Variants in DYNC2H1 observed in about 807,000 individuals in gnomAD.
DYNC2H1 encodes dynein cytoplasmic 2 heavy chain 1, also known as cytoplasmic dynein 2 heavy chain 1.
DYNC2H1 carries 410 observed loss-of-function variants against 570.0 expected under a neutral mutation model. That is an observed-to-expected ratio of 0.72 (90% CI 0.66 to 0.78). DYNC2H1 has a LOEUF of 0.78. Ranked by LOEUF, DYNC2H1 falls within the 30% of genes least tolerant of loss-of-function variation. DYNC2H1 has a pLI of 0.00. For synonymous variants in DYNC2H1, 1,688 were observed against 1,677.6 expected, an observed-to-expected ratio of 1.01 and a Z score of -0.15; for missense variants, 4,865 against 5,046.4, an observed-to-expected ratio of 0.96 and a Z score of 1.09.
Position 103,152,109 on chromosome 11 carries a change from A to AT in DYNC2H1, c.2947-24dup, listed in dbSNP as rs745575478. ...ATTTGATAAAATAGGTTGTTATTCA[A>AT]TTTGTTTTTTTTTTTTTAACCTTTA... On this transcript the variant is annotated intron_variant, in intron 20 of 88. Coordinates refer to ENST00000375735, the MANE Select transcript of DYNC2H1 (RefSeq NM_001377.3). 2.9e-5 allele frequency: 33 copies of AT among 1,155,340 alleles called. No individual in the cohort carries two copies. The African/African-American group carries it at 4.6e-4, about 16-fold the overall frequency. 71.6% of individuals were successfully genotyped at this position (1,155,340 alleles called of 1,614,324 possible).
chr11:103,292,571 G>A (rs1265743856), intron 75 of DYNC2H1, among the ~76,000 whole-genome samples: 1 of 152,188 alleles, frequency 6.6e-6, no homozygotes, highest in Non-Finnish European at 1.5e-5. Flanking sequence ...CAAATCTCAT[G>A]TTGAATTGTA....
chr11:103,348,374 A>G (rs752868986), intron 82 of DYNC2H1, among the ~76,000 whole-genome samples: 9 of 152,190 alleles, frequency 5.9e-5, no homozygotes, highest in Non-Finnish European at 1.0e-4. Context: ...ATATGCATAT[A>G]CTTTTGAGGC....
intron 81 of DYNC2H1, among the ~76,000 whole-genome samples, chr11:103,322,637 A>G (rs1938273065): frequency 6.6e-6 from 1 of 152,338 alleles, no homozygotes; most frequent in South Asian, 2.1e-4. Flanking sequence ...ACTAGTCAGC[A>G]TATCACTGTA....
intron 54 of DYNC2H1, among the ~76,000 whole-genome samples, chr11:103,215,094 T>C (rs1863328336): frequency 6.6e-6 from 1 of 152,180 alleles, no homozygotes; most frequent in Non-Finnish European, 1.5e-5. Context: ...TGCCCAGCTA[T>C]AAAGAGGGAC....
chr11:103,298,152 C>T (rs1029447957), intron 75 of DYNC2H1, among the ~76,000 whole-genome samples: 14 of 152,082 alleles, frequency 9.2e-5, no homozygotes, highest in African/African-American at 3.4e-4. Context: ...ACCCTCAGAT[C>T]TTATCTCCTA....
chr11:103,409,645 T>A (rs1296208712), intron 84 of DYNC2H1: 1 of 153,460 alleles, frequency 6.5e-6, no homozygotes, highest in Admixed American at 6.5e-5. Flanking sequence ...AATTAGAGGA[T>A]CTGGTATAGG....
chr11:103,254,331 C>T lies in DYNC2H1; in HGVS notation c.10206+883C>T, dbSNP rs903256741. 1.3e-5 allele frequency among the ~76,000 whole-genome samples: 2 copies of T among 152,282 alleles called. No individual in the cohort carries two copies. Among genetic ancestry groups the T allele is most frequent in the African/African-American group, 4.8e-5 (2 of 41,562 alleles). ...GTTGCAAAAAAGGAGCTATGTAGGT[C>T]TTACTTAGCAAGAACTAAATGAAGA... On this transcript the variant is annotated intron_variant, in intron 66 of 88. Transcript: ENST00000375735. This position sits in a 1 kb window ranked among gnomAD's most constrained non-coding sequence, Gnocchi z 4.9.
At chr11:103,387,565 C>A (rs1165748967) in intron 83 of DYNC2H1, among the ~76,000 whole-genome samples, 27 of 152,096 alleles carry the variant, frequency 1.8e-4, no homozygotes, top group African/African-American at 5.3e-4. Context: ...TTTAGACATG[C>A]AGTCCTTGCC....
chr11:103,143,417 C>G, intron 18 of DYNC2H1, 22 bp downstream of exon 18: 3 of 1,570,874 alleles, frequency 1.9e-6, no homozygotes, highest in Non-Finnish European at 2.6e-6. Context: ...TAATGTAGTA[C>G]TTACGTACCA....
chr11:103,142,734 C>T (rs1413429406), intron 17 of DYNC2H1, among the ~76,000 whole-genome samples: 1 of 152,154 alleles, frequency 6.6e-6, no homozygotes, highest in Non-Finnish European at 1.5e-5. Context: ...TTGAATTCTT[C>T]TTCTGAAGCC....
Position 103,177,502 on chromosome 11 carries a change from C to T in DYNC2H1, c.5875-54C>T. 6.5e-7 allele frequency: 1 copy of T among 1,531,642 alleles called. No individual in the cohort carries two copies. Among genetic ancestry groups the T allele is most frequent in the Non-Finnish European group, 8.8e-7 (1 of 1,137,678 alleles). The allele number at this position is 1,531,642 out of a possible 1,614,324, so 94.9% of individuals were successfully genotyped here. ...CAAGTGTTACAGAATAAAAGCAGAA[C>T]TAAGTATGATTGAATATTATAAATC... On this transcript the variant is annotated intron_variant, in intron 37 of 88. Transcript: ENST00000375735. The surrounding 1 kb of genome is among the most constrained non-coding windows in gnomAD (Gnocchi z 4.4).
At chr11:103,365,840 T>C (rs565923016) in intron 83 of DYNC2H1, among the ~76,000 whole-genome samples, 1 of 152,242 alleles carries the variant, frequency 6.6e-6, no homozygotes, top group Non-Finnish European at 1.5e-5. Flanking sequence ...GTGGAGCTTA[T>C]GAATTTTGGA....
intron 82 of DYNC2H1, among the ~76,000 whole-genome samples, chr11:103,347,188 A>G (rs573991945): frequency 3.8e-4 from 58 of 152,356 alleles, no homozygotes; most frequent in African/African-American, 1.3e-3. Flanking sequence ...CAAGATAACG[A>G]ACTCAGTTTA....
At chr11:103,353,693 A>G (rs1173448629) in intron 82 of DYNC2H1, among the ~76,000 whole-genome samples, 1 of 151,934 alleles carries the variant, frequency 6.6e-6, no homozygotes, top group Non-Finnish European at 1.5e-5. Flanking sequence ...TACCTTTTTC[A>G]TTCTATTACC....
At chr11:103,223,627 T>A (rs1863683270) in intron 59 of DYNC2H1, among the ~76,000 whole-genome samples, 1 of 151,962 alleles carries the variant, frequency 6.6e-6, no homozygotes, top group Admixed American at 6.6e-5. Flanking sequence ...CTCAGGTGAT[T>A]CACCTGCCTT....
rs1860761772 is a variant in DYNC2H1, at chr11:103,155,305, CT to C, written c.3574-21del. 3.4e-6 allele frequency: 5 copies of C among 1,490,192 alleles called. No individual in the cohort carries two copies. The South Asian group carries it at 5.0e-5, about 15-fold the overall frequency. 92.3% of individuals were successfully genotyped at this position (1,490,192 alleles called of 1,614,324 possible). Reference sequence around the variant, plus strand: ...TATATGTATATGTGTATACATATGACTTTTTCTTTTTTTTTTTTGTAACAGA... The same window carrying C: ...TATATGTATATGTGTATACATATGACTTTTCTTTTTTTTTTTTGTAACAGA... On this transcript the variant is annotated intron_variant, in intron 24 of 88. Transcript: ENST00000375735.
intron 79 of DYNC2H1, among the ~76,000 whole-genome samples, chr11:103,314,710 A>G (rs1937715121): frequency 6.6e-6 from 1 of 151,962 alleles, no homozygotes; most frequent in African/African-American, 2.4e-5. Context: ...AAAAATCATA[A>G]CACTGGAGGT....
rs528328679 is a variant in DYNC2H1 at position 103,289,564 on chromosome 11, C to A, written c.11095+1959C>A. 6.6e-6 allele frequency among the ~76,000 whole-genome samples: 1 copy of A among 152,124 alleles called. No homozygotes were observed. Among genetic ancestry groups the A allele is most frequent in the South Asian group, 2.1e-4 (1 of 4,820 alleles). On this transcript the variant is annotated intron_variant, in intron 75 of 88. Transcript: ENST00000375735. The surrounding 1 kb of genome is among the most constrained non-coding windows in gnomAD (Gnocchi z 4.2). Reference sequence around the variant, plus strand: ...TTGCTTGAGCCCAGTAGTTTGAGACCAGCCTGGGCAGCATAGTGAGACCTT... The same window carrying A: ...TTGCTTGAGCCCAGTAGTTTGAGACAAGCCTGGGCAGCATAGTGAGACCTT...
At chr11:103,295,486 A>G (rs1866782435) in intron 75 of DYNC2H1, among the ~76,000 whole-genome samples, 1 of 152,170 alleles carries the variant, frequency 6.6e-6, no homozygotes, top group South Asian at 2.1e-4. Flanking sequence ...AGGGAGGAGA[A>G]AAACAAATTT....
Sources: allele counts gnomAD v4.1 joint callset (sites outside exome capture counted in the v4.1 genomes callset), GRCh38; gene constraint gnomAD v4.1.1; non-coding constraint Gnocchi (gnomAD v3.1); transcripts MANE v1.5; gene names NCBI Gene and HGNC (gene_info 2026-07-23, HGNC 2026-07-21).